MACROD2: variants seen among roughly 807,000 people sequenced by gnomAD.
MACROD2 encodes the protein mono-ADP ribosylhydrolase 2.
A neutral mutation model predicts 70.4 loss-of-function variants in MACROD2; 36 were observed. The observed-to-expected ratio is 0.51, with a 90% CI of 0.39 to 0.68. MACROD2 has a LOEUF of 0.68. Among genes scored for constraint, MACROD2 ranks in the 30% least tolerant of loss-of-function variants. The pLI is 0.00. For missense variants in MACROD2, 496 were observed against 538.4 expected (o/e 0.92, Z 0.78); for synonymous variants, 172 against 178.8 (o/e 0.96, Z 0.30).
chr20:15,519,268 A>T (rs1443600390), intron 8 of MACROD2, among the ~76,000 whole-genome samples: 1 of 151,884 alleles, frequency 6.6e-6, no homozygotes, highest in Non-Finnish European at 1.5e-5. Context: ...CCGCCACCAC[A>T]CCCGGCTAAT....
At chr20:15,434,246 CAG>C (rs2046399281) in intron 7 of MACROD2, among the ~76,000 whole-genome samples, 1 of 151,874 alleles carries the variant, frequency 6.6e-6, no homozygotes, top group Non-Finnish European at 1.5e-5. Context: ...AGACAATCCA[CAG>C]AGTGGGAGAA....
chr20:14,047,237 G>A (rs1283509767), intron 2 of MACROD2, among the ~76,000 whole-genome samples: 1 of 152,042 alleles, frequency 6.6e-6, no homozygotes, highest in Non-Finnish European at 1.5e-5. Flanking sequence ...ACAAGGTCAG[G>A]AGTTCGAGAC....
chr20:15,466,719 CA>C (rs2046895014), intron 7 of MACROD2, among the ~76,000 whole-genome samples: 1 of 152,164 alleles, frequency 6.6e-6, no homozygotes, highest in African/African-American at 2.4e-5. Flanking sequence ...ATTATAATTA[CA>C]AAGTGAATTT....
intron 5 of MACROD2, chr20:14,893,957 A>C (rs1441240259): frequency 1.3e-5 from 2 of 151,376 alleles, no homozygotes; most frequent in Non-Finnish European, 2.9e-5. Context: ...GCAAATTATT[A>C]AATTTTTATG....
intron 3 of MACROD2, among the ~76,000 whole-genome samples, chr20:14,204,589 G>T (rs960558390): frequency 2.0e-5 from 3 of 152,228 alleles, no homozygotes; most frequent in African/African-American, 7.2e-5. Flanking sequence ...ATAAGGGTCT[G>T]CAATGGGAAT....
intron 6 of MACROD2, among the ~76,000 whole-genome samples, chr20:15,272,912 G>C (rs984561731): frequency 1.4e-4 from 22 of 152,082 alleles, no homozygotes; most frequent in African/African-American, 5.1e-4. Flanking sequence ...ATCCTAATTA[G>C]TCTCGACTTG....
intron 5 of MACROD2, among the ~76,000 whole-genome samples, chr20:14,860,483 G>C (rs1393602582): frequency 6.6e-6 from 1 of 152,084 alleles, no homozygotes; most frequent in Non-Finnish European, 1.5e-5. Context: ...CTCTTTTCAA[G>C]CCTGTGGGCA....
chr20:14,510,977 G>T (rs993632582), intron 4 of MACROD2, among the ~76,000 whole-genome samples: 1 of 151,894 alleles, frequency 6.6e-6, no homozygotes. Flanking sequence ...GTCCTGAACT[G>T]CAGGTTGGTA....
intron 3 of MACROD2, among the ~76,000 whole-genome samples, chr20:14,134,433 T>G (rs1420419109): frequency 6.6e-6 from 1 of 152,240 alleles, no homozygotes; most frequent in Non-Finnish European, 1.5e-5. Flanking sequence ...CATTGGTTTA[T>G]CTTCACTACC....
chr20:15,261,151 C>T (rs2077245894), intron 6 of MACROD2, among the ~76,000 whole-genome samples: 1 of 151,930 alleles, frequency 6.6e-6, no homozygotes, highest in African/African-American at 2.4e-5. Flanking sequence ...TCCATTTATA[C>T]ACAGCATTTA....
intron 2 of MACROD2, chr20:14,003,425 G>T: frequency 6.0e-6 from 1 of 167,730 alleles, no homozygotes. Context: ...CCTTGGGCAA[G>T]CGGGGTAGCA....
At chr20:14,085,283 A>G (rs1177668704) in intron 2 of MACROD2, among the ~76,000 whole-genome samples, 1 of 152,106 alleles carries the variant, frequency 6.6e-6, no homozygotes, top group Non-Finnish European at 1.5e-5. Context: ...AAAGATTAAT[A>G]CATCTTTTTC....
At chr20:15,060,238 T>C (rs761709935) in intron 5 of MACROD2, among the ~76,000 whole-genome samples, 31 of 152,222 alleles carry the variant, frequency 2.0e-4, no homozygotes, top group Non-Finnish European at 3.2e-4. Context: ...TCTGGTTGCG[T>C]TGGCTAAAAG....
chr20:15,241,547 T>C (rs113864232), intron 6 of MACROD2, among the ~76,000 whole-genome samples: 1 of 152,134 alleles, frequency 6.6e-6, no homozygotes, highest in Non-Finnish European at 1.5e-5. Flanking sequence ...TCAGTTAACA[T>C]ACATCCATAC....
At chr20:14,145,526 G>A (rs895060802) in intron 3 of MACROD2, among the ~76,000 whole-genome samples, 6 of 152,116 alleles carry the variant, frequency 3.9e-5, no homozygotes, top group African/African-American at 1.4e-4. Context: ...TAGAAGATAT[G>A]TCCTGGGGAA....
chr20:14,440,239 T>C (rs186386761), intron 3 of MACROD2, among the ~76,000 whole-genome samples: 2 of 152,326 alleles, frequency 1.3e-5, no homozygotes, highest in Non-Finnish European at 2.9e-5. Context: ...ATATAGCTAA[T>C]ATATTCAGAA....
intron 2 of MACROD2, among the ~76,000 whole-genome samples, chr20:14,030,195 CT>C (rs2148631198): frequency 6.6e-6 from 1 of 152,208 alleles, no homozygotes; most frequent in East Asian, 1.9e-4. Flanking sequence ...CTTGCTACCA[CT>C]TGTGGCTATT....
chr20:14,414,585 C>G (rs1396304264), intron 3 of MACROD2, among the ~76,000 whole-genome samples: 1 of 152,114 alleles, frequency 6.6e-6, no homozygotes, highest in Admixed American at 6.5e-5. Context: ...AAGTAAAACA[C>G]CTAATAGGTT....
intron 3 of MACROD2, among the ~76,000 whole-genome samples, chr20:14,239,218 C>T: frequency 6.6e-6 from 1 of 152,092 alleles, no homozygotes; most frequent in South Asian, 2.1e-4. Context: ...TGAAAGAAAT[C>T]AGAGATAACA....
Sources: allele counts gnomAD v4.1 joint callset (sites outside exome capture counted in the v4.1 genomes callset), GRCh38; gene constraint gnomAD v4.1.1; transcripts MANE v1.5; gene names NCBI Gene and HGNC (gene_info 2026-07-23, HGNC 2026-07-21).